CSMD1: variants seen among roughly 807,000 people sequenced by gnomAD.
The protein encoded by CSMD1 is CUB and Sushi multiple domains 1.
A neutral mutation model predicts 417.5 loss-of-function variants in CSMD1; 213 were observed. The observed-to-expected ratio is 0.51, with a 90% CI of 0.46 to 0.57. CSMD1 has a LOEUF of 0.57. Ranked by LOEUF, CSMD1 falls within the 20% of genes least tolerant of loss-of-function variation. The pLI is 0.00. For synonymous variants in CSMD1, 2,862 were observed against 1,736.8 expected, an observed-to-expected ratio of 1.65 and a Z score of -16.11; for missense variants, 6,923 against 4,529.7, an observed-to-expected ratio of 1.53 and a Z score of -15.17.
intron 2 of CSMD1, among the ~76,000 whole-genome samples, chr8:4,610,070 G>C (rs935573174): frequency 4.7e-5 from 7 of 150,292 alleles, no homozygotes; most frequent in African/African-American, 1.5e-4. Context: ...CCAAATTCTT[G>C]CTATAAGGAT....
intron 10 of CSMD1, among the ~76,000 whole-genome samples, chr8:3,546,435 C>A (rs1003484436): frequency 1.3e-5 from 2 of 151,764 alleles, no homozygotes; most frequent in African/African-American, 4.8e-5. Context: ...ACTTGGGAGG[C>A]TGAGGCAGGA....
intron 5 of CSMD1, among the ~76,000 whole-genome samples, chr8:3,793,148 T>C (rs1799843329): frequency 6.6e-6 from 1 of 152,138 alleles, no homozygotes; most frequent in Non-Finnish European, 1.5e-5. Context: ...CTCGAATAAT[T>C]TACCACTTTG....
At chr8:3,325,591 A>C (rs1027429264) in intron 23 of CSMD1, among the ~76,000 whole-genome samples, 8 of 152,214 alleles carry the variant, frequency 5.3e-5, no homozygotes, top group Non-Finnish European at 1.2e-4. Flanking sequence ...TGGGAGGCCG[A>C]GGCGGGCAAA....
At chr8:4,112,814 G>A (rs1326027511) in intron 3 of CSMD1, among the ~76,000 whole-genome samples, 1 of 152,148 alleles carries the variant, frequency 6.6e-6, no homozygotes, top group Non-Finnish European at 1.5e-5. Context: ...CATAACTTTT[G>A]TTTATGGCTC....
At chr8:3,800,264 T>A (rs986360796) in intron 5 of CSMD1, among the ~76,000 whole-genome samples, 76 of 152,268 alleles carry the variant, frequency 5.0e-4, no homozygotes, top group African/African-American at 1.7e-3. Flanking sequence ...CATTATATAT[T>A]GGGAATACAA....
At chr8:4,067,544 C>A (rs6980495) in intron 3 of CSMD1, among the ~76,000 whole-genome samples, 1 of 151,734 alleles carries the variant, frequency 6.6e-6, no homozygotes, top group Non-Finnish European at 1.5e-5. Flanking sequence ...TATAGCTTTA[C>A]ATGTACCTAA....
intron 25 of CSMD1, among the ~76,000 whole-genome samples, chr8:3,299,217 C>A (rs565844633): frequency 6.6e-6 from 1 of 151,966 alleles, no homozygotes; most frequent in Non-Finnish European, 1.5e-5. Context: ...TTTGGGAGGC[C>A]GAGGTGGGTG....
intron 1 of CSMD1, among the ~76,000 whole-genome samples, chr8:4,950,439 C>G (rs1808663718): frequency 6.6e-6 from 1 of 152,004 alleles, no homozygotes; most frequent in African/African-American, 2.4e-5. Context: ...AAATAAACGA[C>G]TCAACTTGTG....
chr8:3,449,518 C>G (rs562731858), intron 12 of CSMD1, among the ~76,000 whole-genome samples: 2 of 148,552 alleles, frequency 1.3e-5, no homozygotes, highest in African/African-American at 5.0e-5. Flanking sequence ...CTCATGACAG[C>G]AATTTTTTTT....
chr8:3,639,111 C>A (rs4523281), intron 7 of CSMD1, among the ~76,000 whole-genome samples: 1 of 152,014 alleles, frequency 6.6e-6, no homozygotes, highest in Admixed American at 6.5e-5. Context: ...CAAAGGACTT[C>A]ATTCTAGCAA....
At chr8:3,506,831 T>C (rs544223944) in intron 10 of CSMD1, among the ~76,000 whole-genome samples, 1 of 152,316 alleles carries the variant, frequency 6.6e-6, no homozygotes, top group African/African-American at 2.4e-5. Flanking sequence ...GGTCTTAAAT[T>C]TTAAAAACAC....
chr8:4,238,647 C>G (rs531158085), intron 3 of CSMD1, among the ~76,000 whole-genome samples: 2 of 152,272 alleles, frequency 1.3e-5, no homozygotes, highest in East Asian at 3.9e-4. Context: ...GAGGTCATTC[C>G]TGTGTCTTGA....
At chr8:4,226,279 A>G (rs1439411109) in intron 3 of CSMD1, among the ~76,000 whole-genome samples, 1 of 152,226 alleles carries the variant, frequency 6.6e-6, no homozygotes, top group Non-Finnish European at 1.5e-5. Flanking sequence ...GTATTTGGGT[A>G]TTTGGATAAA....
chr8:3,354,596 A>G (rs1309860791), intron 21 of CSMD1, among the ~76,000 whole-genome samples: 2 of 152,056 alleles, frequency 1.3e-5, no homozygotes, highest in Non-Finnish European at 2.9e-5. Context: ...AATATTTAAG[A>G]ATTTCACAAA....
rs1330626617 is a variant in CSMD1, at chr8:3,288,909, C to T, written c.3951-4563G>A. Reference sequence around the variant, plus strand: ...GTTGCATATGTATACATGTGCCATGCTGGTGTGCTACACCCATTAACTCAT... The same window carrying T: ...GTTGCATATGTATACATGTGCCATGTTGGTGTGCTACACCCATTAACTCAT... On this transcript the variant is annotated intron_variant, in intron 25 of 69. Transcript: ENST00000635120. Among the ~76,000 whole-genome samples the T allele has an allele frequency of 3.4e-5, 5 of 146,826 alleles. 1 individual carries two copies. Among genetic ancestry groups the T allele is most frequent in the African/African-American group, 1.4e-4 (5 of 36,686 alleles).
intron 3 of CSMD1, among the ~76,000 whole-genome samples, chr8:4,304,435 C>T (rs761440516): frequency 6.6e-6 from 1 of 152,072 alleles, no homozygotes; most frequent in Non-Finnish European, 1.5e-5. Context: ...ATTTAAGTTC[C>T]AAAAGTTAAG....
intron 3 of CSMD1, among the ~76,000 whole-genome samples, chr8:4,385,017 C>T (rs956794832): frequency 6.6e-6 from 1 of 152,134 alleles, no homozygotes; most frequent in East Asian, 1.9e-4. Context: ...ACCTCCGTCC[C>T]CCTGGTTCAA....
At chr8:4,052,459 T>A (rs1359477155) in intron 3 of CSMD1, among the ~76,000 whole-genome samples, 1 of 152,210 alleles carries the variant, frequency 6.6e-6, no homozygotes, top group Non-Finnish European at 1.5e-5. Context: ...TTTTGCCCAC[T>A]GCAAGATGGA....
chr8:4,479,522 C>G (rs1800975782), intron 2 of CSMD1, among the ~76,000 whole-genome samples: 1 of 152,158 alleles, frequency 6.6e-6, no homozygotes, highest in Admixed American at 6.5e-5. Flanking sequence ...ACCTTTGCCT[C>G]TTATTTACTC....
Sources: gnomAD v4.1 joint callset for allele counts (sites outside exome capture counted in the v4.1 genomes callset) on GRCh38, gnomAD v4.1.1 for gene constraint, MANE v1.5 for transcripts, NCBI Gene and HGNC (gene_info 2026-07-23, HGNC 2026-07-21) for gene names.